MED26: variants seen among roughly 807,000 people sequenced by gnomAD.
MED26 encodes the protein mediator complex subunit 26.
MED26 carries 7 observed loss-of-function variants against 43.7 expected under a neutral mutation model. That is an observed-to-expected ratio of 0.16 (90% CI 0.09 to 0.30). The LOEUF (loss-of-function observed/expected upper bound fraction) is 0.30, where lower values mean the gene tolerates loss of function less well. MED26 is among the 10% of genes least tolerant of loss of function. The pLI, the probability that MED26 is intolerant of heterozygous loss-of-function variation, is 1.00. For missense variants in MED26, 784 were observed against 840.6 expected (o/e 0.93, Z 0.83); for synonymous variants, 375 against 371.1 (o/e 1.01, Z -0.12).
chr19:16,576,240 C>T lies in MED26; in HGVS notation c.1590G>A (p.Val530=), dbSNP rs1415104984. 11 of 1,611,188 alleles carry T rather than the reference C, an allele frequency of 6.8e-6. No homozygotes were observed. Among genetic ancestry groups the T allele is most frequent in the Non-Finnish European group, 9.3e-6 (11 of 1,180,034 alleles). Residue 530 remains valine, a synonymous_variant, in exon 3 of 3, where the codon GTG becomes GTA. Coordinates refer to ENST00000263390, the MANE Select transcript of MED26 (RefSeq NM_004831.5). The surrounding 1 kb of genome is among the most constrained non-coding windows in gnomAD (Gnocchi z 6.8). ...STRQGARQLH[V]LVPQSPPTDL... is the part of the protein sequence containing the mutation. ...CCGTGGGCGGGCTTTGAGGCACCAG[C>T]ACATGCAGCTGCCTGGCCCCTTGCC...
intron 1 of MED26, among the ~76,000 whole-genome samples, chr19:16,601,841 G>A (rs936791142): frequency 6.6e-6 from 1 of 152,220 alleles, no homozygotes; most frequent in South Asian, 2.1e-4. Context: ...TCAGACTGTC[G>A]TTTTAAATAG....
At chr19:16,580,562 A>C (rs973617953) in intron 1 of MED26, among the ~76,000 whole-genome samples, 2 of 151,994 alleles carry the variant, frequency 1.3e-5, no homozygotes, top group Non-Finnish European at 2.9e-5. Flanking sequence ...TAGTAGGGAC[A>C]GGGTTTCACC....
chr19:16,599,325 C>T (rs1195401782), intron 1 of MED26, among the ~76,000 whole-genome samples: 1 of 152,184 alleles, frequency 6.6e-6, no homozygotes, highest in Non-Finnish European at 1.5e-5. Context: ...CATGGATCCT[C>T]TAACCCATAG....
intron 1 of MED26, chr19:16,588,662 G>A (rs931238763): frequency 6.6e-6 from 1 of 152,440 alleles, no homozygotes; most frequent in Non-Finnish European, 1.5e-5. Flanking sequence ...ACGCCCCCAG[G>A]GGCCAGGCCA....
intron 1 of MED26, among the ~76,000 whole-genome samples, chr19:16,621,457 C>G (rs1243892599): frequency 6.6e-6 from 1 of 152,146 alleles, no homozygotes; most frequent in Non-Finnish European, 1.5e-5. Context: ...CCTGATGAGC[C>G]CCCTGACGTT....
intron 1 of MED26, among the ~76,000 whole-genome samples, chr19:16,602,431 C>T (rs1045609434): frequency 6.6e-5 from 10 of 152,172 alleles, no homozygotes; most frequent in African/African-American, 2.4e-4. Context: ...GAATGCCACA[C>T]CCCTACCACC....
chr19:16,606,738 C>T (rs1034970098), intron 1 of MED26, among the ~76,000 whole-genome samples: 3 of 152,138 alleles, frequency 2.0e-5, no homozygotes, highest in Non-Finnish European at 4.4e-5. Flanking sequence ...GGGGAGTAGG[C>T]TGAGACAGGG....
intron 1 of MED26, among the ~76,000 whole-genome samples, chr19:16,591,609 G>A (rs1429286127): frequency 1.3e-5 from 2 of 152,136 alleles, no homozygotes; most frequent in Non-Finnish European, 2.9e-5. Context: ...TACCTATAGG[G>A]TTTGGTCATA....
intron 1 of MED26, among the ~76,000 whole-genome samples, chr19:16,603,439 G>A (rs780053801): frequency 3.9e-5 from 6 of 152,112 alleles, no homozygotes; most frequent in Non-Finnish European, 7.3e-5. Context: ...GTTAAGCCAT[G>A]AGTGCTCATG....
chr19:16,604,899 C>T (rs1458433153), intron 1 of MED26, among the ~76,000 whole-genome samples: 1 of 152,144 alleles, frequency 6.6e-6, no homozygotes, highest in African/African-American at 2.4e-5. Context: ...CCTCTGTGAG[C>T]CTCATCTGTT....
intron 1 of MED26, 42 bp downstream of exon 1, chr19:16,627,830 G>A (rs1379648334): frequency 7.0e-7 from 1 of 1,425,034 alleles, no homozygotes. Flanking sequence ...AGGGTCCCGG[G>A]CCCATGCGGC....
At chr19:16,600,854 G>C (rs558828614) in intron 1 of MED26, among the ~76,000 whole-genome samples, 67 of 152,252 alleles carry the variant, frequency 4.4e-4, no homozygotes, top group African/African-American at 1.6e-3. Context: ...CAACACTTTG[G>C]GAGGCCAGGC....
chr19:16,619,145 G>A (rs1300819463), intron 1 of MED26, among the ~76,000 whole-genome samples: 3 of 152,170 alleles, frequency 2.0e-5, no homozygotes, highest in Non-Finnish European at 4.4e-5. Flanking sequence ...CAATTAACAC[G>A]GAAGGAAACA....
chr19:16,610,771 C>G (rs997617526), intron 1 of MED26: 2 of 152,236 alleles, frequency 1.3e-5, no homozygotes, highest in African/African-American at 4.8e-5. Context: ...CCTGTGGATG[C>G]CACTGTTTCC....
At chr19:16,581,704 A>G (rs779232628) in intron 1 of MED26, among the ~76,000 whole-genome samples, 1 of 152,236 alleles carries the variant, frequency 6.6e-6, no homozygotes, top group Non-Finnish European at 1.5e-5. Flanking sequence ...GCCAGTCCCA[A>G]GAGTCTCCTG....
chr19:16,609,046 G>T (rs1245055677), intron 1 of MED26, among the ~76,000 whole-genome samples: 1 of 152,012 alleles, frequency 6.6e-6, no homozygotes, highest in African/African-American at 2.4e-5. Context: ...CTGGTGCAGC[G>T]GCTCACACAT....
chr19:16,622,222 T>C (rs928774334), intron 1 of MED26, among the ~76,000 whole-genome samples: 20 of 152,204 alleles, frequency 1.3e-4, no homozygotes. Flanking sequence ...ACTTGAGACC[T>C]GCGGCACCAT....
At chr19:16,579,918 TA>T (rs1380792168) in intron 1 of MED26, among the ~76,000 whole-genome samples, 3 of 152,222 alleles carry the variant, frequency 2.0e-5, no homozygotes, top group African/African-American at 7.2e-5. Flanking sequence ...TTTTCTGACT[TA>T]ATGTCAGCAA....
Position 16,627,980 on chromosome 19 carries a change from G to A in MED26, c.-37C>T, listed in dbSNP as rs1038136326. The A allele has an allele frequency of 2.2e-6, 3 of 1,346,764 alleles. No individual in the cohort carries two copies. Among genetic ancestry groups the A allele is most frequent in the African/African-American group, 1.5e-5 (1 of 66,326 alleles). The allele number at this position is 1,346,764 out of a possible 1,614,324, so 83.4% of individuals were successfully genotyped here. A position where few individuals can be genotyped will look rare whatever the true frequency, so the allele number is the denominator to read the frequency against. Reference sequence around the variant, plus strand: ...GGCGGGGGGTTGCGGCCGGGCCAGCGGGCGGGCGGGCTGAGGCGGGGGACG... The same window carrying A: ...GGCGGGGGGTTGCGGCCGGGCCAGCAGGCGGGCGGGCTGAGGCGGGGGACG... On this transcript the variant is annotated 5_prime_UTR_variant, in exon 1 of 3. Coordinates refer to ENST00000263390, the MANE Select transcript of MED26 (RefSeq NM_004831.5).
Sources: gnomAD v4.1 joint callset for allele counts (sites outside exome capture counted in the v4.1 genomes callset) on GRCh38, gnomAD v4.1.1 for gene constraint, Gnocchi (gnomAD v3.1) non-coding constraint, MANE v1.5 for transcripts, NCBI Gene and HGNC (gene_info 2026-07-23, HGNC 2026-07-21) for gene names.